Variants in PLCXD1 observed in about 807,000 individuals in gnomAD.
PLCXD1 encodes the protein PI-PLC X domain-containing protein 1.
Under a neutral mutation model 37.8 loss-of-function variants are expected in PLCXD1, and 45 were observed. The ratio of observed to expected loss-of-function variants is 1.19; its 90% CI spans 0.94 to 1.53. PLCXD1 has a LOEUF of 1.53. Among genes scored for constraint, PLCXD1 ranks in the 40% most tolerant of loss-of-function variants. The pLI is 0.00. For missense variants in PLCXD1, 539 were observed against 454.7 expected, an observed-to-expected ratio of 1.19 and a Z score of -1.69; for synonymous variants, 246 against 206.9, an observed-to-expected ratio of 1.19 and a Z score of -1.62.
At chrX:291,738 T>C (rs1022911769) in intron 5 of PLCXD1, 84 bp downstream of exon 5, 25 of 1,416,846 alleles carry the variant, frequency 1.8e-5, no homozygotes, top group Non-Finnish European at 2.4e-5. Flanking sequence ...GCCCTGGGTG[T>C]GGGTGCTGCC....
upstream of PLCXD1, among the ~76,000 whole-genome samples, chrX:280,092 G>A (rs938704889): frequency 1.1e-4 from 16 of 152,242 alleles, no homozygotes; most frequent in African/African-American, 3.4e-4. Flanking sequence ...CAGGTGATCC[G>A]CCCGCCTCGG....
chrX:296,482 C>T (rs1272888606), intron 6 of PLCXD1, among the ~76,000 whole-genome samples: 8 of 152,232 alleles, frequency 5.3e-5, no homozygotes, highest in Admixed American at 1.3e-4. Flanking sequence ...TTGCCTTTGC[C>T]GTCTCTGGCT....
intron 3 of PLCXD1, 100 bp from the exon 4 acceptor site, chrX:290,548 G>C: frequency 7.8e-7 from 1 of 1,287,298 alleles, no homozygotes; most frequent in South Asian, 1.3e-5. Flanking sequence ...CGTCCCAGTG[G>C]GCAGCAGGAC....
At chrX:296,208 C>T (rs1281500951) in intron 6 of PLCXD1, among the ~76,000 whole-genome samples, 1 of 151,972 alleles carries the variant, frequency 6.6e-6, no homozygotes, top group African/African-American at 2.4e-5. Context: ...GCAACCTCCA[C>T]CTCCTGGATT....
intron 2 of PLCXD1, among the ~76,000 whole-genome samples, chrX:286,882 A>G (rs1257719221): frequency 6.6e-6 from 1 of 151,874 alleles, no homozygotes; most frequent in African/African-American, 2.4e-5. Flanking sequence ...CAGCAGGAGA[A>G]GTACTGGTCT....
Position 300,521 on chromosome X carries a change from T to G in PLCXD1, c.*1186T>G, listed in dbSNP as rs1212950524. 6.7e-6 allele frequency: 1 copy of G among 149,764 alleles called. No homozygotes were observed. The highest frequency in any genetic ancestry group is 1.9e-4 in the East Asian group (1 of 5,182). The allele number at this position is 149,764 out of a possible 1,614,324, so 9.3% of individuals were successfully genotyped here. A position where few individuals can be genotyped will look rare whatever the true frequency, so the allele number is the denominator to read the frequency against. On this transcript the variant is annotated 3_prime_UTR_variant, in exon 7 of 7. Coordinates refer to ENST00000381657, the MANE Select transcript of PLCXD1 (RefSeq NM_018390.4). The stretch of plus-strand genomic sequence containing the variant: ...GTATATATGTATATGTGTGCATATG[T>G]GTATACGTGTATGCATACATGTATA...
chrX:284,273 C>G lies in PLCXD1; in HGVS notation c.86C>G (p.Pro29Arg). The G allele has an allele frequency of 6.2e-7, 1 of 1,613,526 alleles. No homozygotes were observed. The highest frequency in any genetic ancestry group is 8.5e-7 in the Non-Finnish European group (1 of 1,179,856). ...GAGGACTGGATGTCGGCACTGTGTCCCCGGCTCTGGGATGTGCCCCTCCAC... is the reference window on the plus strand; with the variant it reads ...GAGGACTGGATGTCGGCACTGTGTCGCCGGCTCTGGGATGTGCCCCTCCAC... ...ANEDWMSALC[P>R]RLWDVPLHHL... is the part of the protein sequence containing the mutation. The change falls in exon 2 of 7, where the codon CCC becomes CGC. Residue 29 changes from proline to arginine, a missense_variant. Coordinates refer to ENST00000381657, the MANE Select transcript of PLCXD1 (RefSeq NM_018390.4).
Position 299,228 on chromosome X carries a change from C to G in PLCXD1, c.865C>G (p.Pro289Ala). Residue 289 changes from proline (P) to alanine (A), a missense_variant, in exon 7 of 7, where the codon CCG (proline) becomes GCG (alanine). Physicochemically the swap from Pro to Ala is conservative, Grantham distance 27. Transcript: ENST00000381657. Reference protein sequence around the residue: ...RLSAWVREQCPGPGSRCTNII... With the variant: ...RLSAWVREQCAGPGSRCTNII... ...GAGCGCGTGGGTCCGAGAGCAGTGC[C>G]CGGGGCCGGGTTCACGGTGCACCAA... 5 of 1,613,890 alleles carry G rather than the reference C, an allele frequency of 3.1e-6. No homozygotes were observed. Among genetic ancestry groups the G allele is most frequent in the Non-Finnish European group, 4.2e-6 (5 of 1,179,852 alleles).
rs756254454 is a variant in PLCXD1, at chrX:290,765, G to T, written c.382G>T (p.Ala128Ser). The change falls in exon 4 of 7, where the codon GCG (alanine) becomes TCG (serine). Residue 128 changes from alanine (A) to serine (S), a missense_variant. Coordinates refer to ENST00000381657, the MANE Select transcript of PLCXD1 (RefSeq NM_018390.4). ...LHFVHMVYTT[A>S]LVEDTLTEIS... ...CTTTGTCCATATGGTGTACACAACG[G>T]CGCTGGTGGAGGTGCGGCCGGGCTG... 5 of 1,613,542 alleles carry T rather than the reference G, an allele frequency of 3.1e-6. No homozygotes were observed. The highest frequency in any genetic ancestry group is 4.2e-6 in the Non-Finnish European group (5 of 1,179,698).
rs748608045 is a variant in PLCXD1 at position 300,735 on chromosome X, ACT to A, written c.*1403_*1404del. On this transcript the variant is annotated 3_prime_UTR_variant, in exon 7 of 7. Transcript: ENST00000381657. Reference sequence around the variant, plus strand: ...ATATATATATTTTTTGAGGAGTCTCACTCTGTCACCCAGGCTGGAGTGCAACG... The same window carrying A: ...ATATATATATTTTTTGAGGAGTCTCACTGTCACCCAGGCTGGAGTGCAACG... 2.8e-4 allele frequency: 42 copies of A among 151,826 alleles called. No individual in the cohort carries two copies. Among genetic ancestry groups the A allele is most frequent in the African/African-American group, 8.2e-4 (34 of 41,420 alleles). The allele number at this position is 151,826 out of a possible 1,614,324, so 9.4% of individuals were successfully genotyped here.
At chrX:287,436 T>C (rs1306872489) in intron 2 of PLCXD1, among the ~76,000 whole-genome samples, 1 of 138,384 alleles carries the variant, frequency 7.2e-6, no homozygotes, top group Admixed American at 7.5e-5. Context: ...TATATAGATA[T>C]ATATACACTA....
rs1353597497 is a variant in PLCXD1 at position 299,734 on chromosome X, A to T, written c.*399A>T. On this transcript the variant is annotated 3_prime_UTR_variant, in exon 7 of 7. Transcript: ENST00000381657. The stretch of plus-strand genomic sequence containing the variant: ...ATCGTGCCACTGCACTCCAGTCTGA[A>T]TGATAGACCGAGACTCCATCTCAAA... 4.3e-6 allele frequency: 1 copy of T among 231,642 alleles called. No individual in the cohort carries two copies. The highest frequency in any genetic ancestry group is 5.6e-5 in the Admixed American group (1 of 17,734). The allele number at this position is 231,642 out of a possible 1,614,324, so 14.3% of individuals were successfully genotyped here.
At position 299,315 on chromosome X, in the gene PLCXD1, CAG is replaced by C; in HGVS notation, c.954_955del (p.Lys319AlafsTer10). On this transcript the variant is annotated frameshift_variant, in exon 7 of 7. Coordinates refer to ENST00000381657, the MANE Select transcript of PLCXD1 (RefSeq NM_018390.4). LOFTEE classifies it high-confidence loss of function. The stretch of plus-strand genomic sequence containing the variant: ...CGTCAGTGACGTCATCGCGCTCAAT[CAG>C]AAGCTGCTGTGGTGCTGACGGGACC... Reference protein sequence around the residue: ...GFVSDVIALNQKLLWC With the variant: ...GFVSDVIALNXKLLWC 2.5e-6 allele frequency: 4 copies of C among 1,613,346 alleles called. No individual in the cohort carries two copies. Among genetic ancestry groups the C allele is most frequent in the Non-Finnish European group, 3.4e-6 (4 of 1,179,292 alleles).
chrX:300,531 T>C lies in PLCXD1; in HGVS notation c.*1196T>C, dbSNP rs1376944127. 2.1e-5 allele frequency: 3 copies of C among 144,150 alleles called. No homozygotes were observed. The highest frequency in any genetic ancestry group is 3.0e-5 in the Non-Finnish European group (2 of 66,418). 8.9% of individuals were successfully genotyped at this position (144,150 alleles called of 1,614,324 possible). ...ATATGTGTGCATATGTGTATACGTG[T>C]ATGCATACATGTATATGTGTATGCA... On this transcript the variant is annotated 3_prime_UTR_variant, in exon 7 of 7. Transcript: ENST00000381657.
Position 283,878 on chromosome X carries a change from CTT to C in PLCXD1, c.-21-278_-21-277del, listed in dbSNP as rs113086591. Reference sequence around the variant, plus strand: ...GACCCCTTTTCCTCTCTCTCTCTCTCTTTTTTTTTTTTCTTTTTTGGATATGG... The same window carrying C: ...GACCCCTTTTCCTCTCTCTCTCTCTCTTTTTTTTTTCTTTTTTGGATATGG... On this transcript the variant is annotated intron_variant, in intron 1 of 6. Coordinates refer to ENST00000381657, the MANE Select transcript of PLCXD1 (RefSeq NM_018390.4). 1,133 of 191,722 alleles carry C rather than the reference CTT, an allele frequency of 5.9e-3. 1 individual carries two copies. Among genetic ancestry groups the C allele is most frequent in the East Asian group, 0.012 (96 of 7,968 alleles). The allele number at this position is 191,722 out of a possible 1,614,324, so 11.9% of individuals were successfully genotyped here.
chrX:291,555 C>A lies in PLCXD1; in HGVS notation c.450C>A (p.Ile150=). ...AGCGGCATCCACGCGAGGTGGTCAT[C>A]CTGGCCTGCAGAAACTTCGAGGGGC... is the stretch of plus-strand genomic sequence containing the variant. ...WLERHPREVV[I]LACRNFEGLS... Residue 150 remains isoleucine, a synonymous_variant, in exon 5 of 7, where the codon ATC becomes ATA. Coordinates refer to ENST00000381657, the MANE Select transcript of PLCXD1 (RefSeq NM_018390.4). 1 of 1,613,116 alleles carries A rather than the reference C, an allele frequency of 6.2e-7. No homozygotes were observed.
In PLCXD1 at chrX:287,022, CAG is replaced by C. The variant is rs1345031188; in HGVS notation, c.128-1710_128-1709del. ...GGATGTAAAGGGGCTTCACGTTCCT[CAG>C]GGGATTTAAAGGGGGAAGGCCGGGC... On this transcript the variant is annotated intron_variant, in intron 2 of 6. Transcript: ENST00000381657. Among the ~76,000 whole-genome samples the C allele has an allele frequency of 7.9e-5, 12 of 151,936 alleles. No homozygotes were observed. In the South Asian group the frequency reaches 1.5e-3, roughly 18 times the overall value.
chrX:286,850 T>G (rs936560285), intron 2 of PLCXD1, among the ~76,000 whole-genome samples: 3 of 152,100 alleles, frequency 2.0e-5, no homozygotes, highest in Non-Finnish European at 4.4e-5. Context: ...TCTTATAAAC[T>G]AGGCAAGGTG....
chrX:279,077 AGGT>A (rs1217227504), upstream of PLCXD1, among the ~76,000 whole-genome samples: 1 of 152,110 alleles, frequency 6.6e-6, no homozygotes, highest in Non-Finnish European at 1.5e-5. Context: ...TTACAGCAAA[AGGT>A]GGTTATCTAT....
Sources: allele counts gnomAD v4.1 joint callset (sites outside exome capture counted in the v4.1 genomes callset), GRCh38; gene constraint gnomAD v4.1.1; transcripts MANE v1.5; gene names NCBI Gene and HGNC (gene_info 2026-07-23, HGNC 2026-07-21).